CEP128: variants seen among roughly 807,000 people sequenced by gnomAD.
CEP128 encodes the protein centrosomal protein 128, also known as centrosomal protein 128kDa.
A neutral mutation model predicts 156.7 loss-of-function variants in CEP128; 132 were observed. The ratio of observed to expected loss-of-function variants is 0.84; its 90% confidence interval spans 0.73 to 0.97. The LOEUF (loss-of-function observed/expected upper bound fraction) is 0.97, where lower values mean the gene tolerates loss of function less well. CEP128 is among the 50% of genes least tolerant of loss of function. The pLI is 0.00. For synonymous variants in CEP128, 469 were observed against 448.9 expected (o/e 1.04, Z -0.57); for missense variants, 1,252 against 1,281.9 (o/e 0.98, Z 0.36).
At chr14:80,715,038 C>T (rs919991835) in intron 19 of CEP128, among the ~76,000 whole-genome samples, 3 of 152,046 alleles carry the variant, frequency 2.0e-5, no homozygotes, top group African/African-American at 4.8e-5. Flanking sequence ...GCCTGGGCAA[C>T]ATGGTGAAAC....
intron 9 of CEP128, among the ~76,000 whole-genome samples, chr14:80,849,044 G>C (rs908633519): frequency 3.3e-5 from 5 of 152,186 alleles, no homozygotes; most frequent in Non-Finnish European, 7.3e-5. Context: ...CCCAGCAAAA[G>C]AGGAGATGTA....
At chr14:80,801,611 A>T (rs1211632452) in intron 13 of CEP128, among the ~76,000 whole-genome samples, 11 of 152,128 alleles carry the variant, frequency 7.2e-5, no homozygotes, top group Admixed American at 7.2e-4. Context: ...AACATAAGAA[A>T]AAACAACTCA....
intron 8 of CEP128, among the ~76,000 whole-genome samples, chr14:80,886,219 CA>C (rs936552843): frequency 4.6e-5 from 7 of 152,074 alleles, no homozygotes; most frequent in African/African-American, 1.7e-4. Flanking sequence ...GGATATTATC[CA>C]GGAGAACTTC....
At chr14:80,854,885 G>A (rs1887068777) in intron 9 of CEP128, among the ~76,000 whole-genome samples, 1 of 151,912 alleles carries the variant, frequency 6.6e-6, no homozygotes, top group African/African-American at 2.4e-5. Context: ...AATTAAAAGA[G>A]AGAACATATC....
intron 19 of CEP128, among the ~76,000 whole-genome samples, chr14:80,735,585 TC>T (rs1898490306): frequency 2.0e-5 from 3 of 152,206 alleles, no homozygotes. Flanking sequence ...ATCTCTAATT[TC>T]ATTATTTTAT....
intron 5 of CEP128, 186 bp downstream of exon 5, chr14:80,905,766 AAAC>A (rs1883852006): frequency 5.7e-6 from 3 of 522,016 alleles, no homozygotes; most frequent in South Asian, 2.6e-5. Context: ...AAAAAAAAAA[AAAC>A]AATATAACAA....
At chr14:80,716,491 A>T (rs1897610464) in intron 19 of CEP128, among the ~76,000 whole-genome samples, 1 of 152,244 alleles carries the variant, frequency 6.6e-6, no homozygotes, top group African/African-American at 2.4e-5. Flanking sequence ...TCATATAAAC[A>T]GAACCACATA....
At chr14:80,899,684 T>C (rs1057267268) in intron 7 of CEP128, among the ~76,000 whole-genome samples, 13 of 152,192 alleles carry the variant, frequency 8.5e-5, no homozygotes, top group Non-Finnish European at 1.6e-4. Flanking sequence ...AGTCTCACAG[T>C]GTACCCCTCC....
At chr14:80,736,089 G>T (rs917741929) in intron 19 of CEP128, among the ~76,000 whole-genome samples, 2 of 152,010 alleles carry the variant, frequency 1.3e-5, no homozygotes, top group African/African-American at 2.4e-5. Flanking sequence ...GAATAGGCAG[G>T]CATTATCATT....
intron 21 of CEP128, among the ~76,000 whole-genome samples, chr14:80,531,677 TG>T (rs1447229875): frequency 3.3e-5 from 5 of 152,218 alleles, no homozygotes; most frequent in African/African-American, 1.2e-4. Context: ...AAATTTAAAA[TG>T]GATTTTAATT....
At chr14:80,575,220 G>C (rs531260356) in intron 20 of CEP128, among the ~76,000 whole-genome samples, 7 of 151,334 alleles carry the variant, frequency 4.6e-5, no homozygotes, top group Middle Eastern at 3.5e-3. Flanking sequence ...GATTGAAAAG[G>C]ATTCAGTTCA....
Position 80,633,835 on chromosome 14 carries a change from C to A in CEP128, c.2807-53412G>T, listed in dbSNP as rs570558379. Reference sequence around the variant, plus strand: ...TAAATGTGTGCCCATGGGAGGTGTCCCATCCATTCTTGGTATTAAAAAAAT... The same window carrying A: ...TAAATGTGTGCCCATGGGAGGTGTCACATCCATTCTTGGTATTAAAAAAAT... On this transcript the variant is annotated intron_variant, in intron 19 of 24. Coordinates refer to ENST00000555265, the MANE Select transcript of CEP128 (RefSeq NM_152446.5). Among the ~76,000 whole-genome samples the A allele has an allele frequency of 2.0e-5, 3 of 152,190 alleles. No individual in the cohort carries two copies. The South Asian group carries it at 6.2e-4, about 32-fold the overall frequency.
At chr14:80,935,047 C>CTTT (rs1413339302) in intron 2 of CEP128, among the ~76,000 whole-genome samples, 1 of 152,054 alleles carries the variant, frequency 6.6e-6, no homozygotes, top group East Asian at 1.9e-4. Flanking sequence ...AGAACTAAGG[C>CTTT]TTAAAGGAGC....
chr14:80,526,242 C>G (rs749143945), intron 23 of CEP128, among the ~76,000 whole-genome samples: 5 of 152,112 alleles, frequency 3.3e-5, no homozygotes, highest in Admixed American at 1.3e-4. Context: ...CCCCAAATAT[C>G]AAGAATGCCA....
At chr14:80,551,703 T>A (rs531018549) in intron 21 of CEP128, among the ~76,000 whole-genome samples, 2 of 152,340 alleles carry the variant, frequency 1.3e-5, no homozygotes, top group South Asian at 4.1e-4. Context: ...TCTGGAGCTA[T>A]ACACTCTTTG....
At chr14:80,787,806 G>A (rs893763681) in intron 14 of CEP128, among the ~76,000 whole-genome samples, 1 of 152,166 alleles carries the variant, frequency 6.6e-6, no homozygotes, top group Admixed American at 6.5e-5. Flanking sequence ...CATGTAAAGT[G>A]TCTTTAATTA....
At chr14:80,773,887 G>GA (rs1278042402) in intron 16 of CEP128, among the ~76,000 whole-genome samples, 1 of 152,158 alleles carries the variant, frequency 6.6e-6, no homozygotes, top group East Asian at 1.9e-4. Flanking sequence ...AGGGATGGGA[G>GA]AAAATTCTTT....
chr14:80,689,060 G>A (rs923916280), intron 19 of CEP128, among the ~76,000 whole-genome samples: 1 of 152,062 alleles, frequency 6.6e-6, no homozygotes, highest in African/African-American at 2.4e-5. Flanking sequence ...ATACAATGAT[G>A]GATAAGAAAT....
At chr14:80,882,734 C>A (rs6574606) in intron 8 of CEP128, among the ~76,000 whole-genome samples, 62,083 of 152,012 alleles carry the variant, frequency 0.41, 13,044 homozygotes, top group South Asian at 0.51. Context: ...ATTCAGCCAT[C>A]AAAACAATGG....
Sources: gnomAD v4.1 joint callset for allele counts (sites outside exome capture counted in the v4.1 genomes callset) on GRCh38, gnomAD v4.1.1 for gene constraint, MANE v1.5 for transcripts, NCBI Gene and HGNC (gene_info 2026-07-23, HGNC 2026-07-21) for gene names.